DDR2: variants seen among roughly 807,000 people sequenced by gnomAD.
DDR2 encodes the protein discoidin domain receptor tyrosine kinase 2, also known as discoidin domain-containing receptor 2.
Under a neutral mutation model 94.9 loss-of-function variants are expected in DDR2, and 27 were observed. That is an observed-to-expected ratio of 0.28 (90% CI 0.21 to 0.39). The LOEUF (loss-of-function observed/expected upper bound fraction) is 0.39. Ranked by LOEUF, DDR2 falls within the 10% of genes least tolerant of loss-of-function variation. DDR2 has a pLI of 1.00. For missense variants in DDR2, 783 were observed against 1,076.0 expected (o/e 0.73, Z 3.81); for synonymous variants, 382 against 377.2 (o/e 1.01, Z -0.15).
intron 2 of DDR2, among the ~76,000 whole-genome samples, chr1:162,691,221 T>G (rs7553831): frequency 0.7 from 106,073 of 151,984 alleles, 38,189 homozygotes; most frequent in Middle Eastern, 0.81. Flanking sequence ...TCTCATGAGA[T>G]TCACAGACCT....
intron 2 of DDR2, among the ~76,000 whole-genome samples, chr1:162,682,410 G>A (rs1264936500): frequency 1.3e-5 from 2 of 152,186 alleles, no homozygotes; most frequent in Non-Finnish European, 2.9e-5. Context: ...GTACTGTCAG[G>A]CCAGGGGCCT....
chr1:162,743,819 A>G (rs1662722742), intron 3 of DDR2, among the ~76,000 whole-genome samples: 1 of 152,218 alleles, frequency 6.6e-6, no homozygotes, highest in African/African-American at 2.4e-5. Context: ...GATAATGACC[A>G]CATCCATCAC....
At chr1:162,681,665 T>C (rs1659406526) in intron 2 of DDR2, among the ~76,000 whole-genome samples, 1 of 152,194 alleles carries the variant, frequency 6.6e-6, no homozygotes, top group Non-Finnish European at 1.5e-5. Context: ...TGTTGTCACA[T>C]GGCAGAAGGG....
intron 2 of DDR2, among the ~76,000 whole-genome samples, chr1:162,699,458 A>G (rs1177692297): frequency 6.6e-6 from 1 of 152,188 alleles, no homozygotes; most frequent in Non-Finnish European, 1.5e-5. Context: ...TCTGTGAAAA[A>G]TGGACTGTAG....
intron 3 of DDR2, among the ~76,000 whole-genome samples, chr1:162,729,659 T>C (rs970573749): frequency 6.6e-6 from 1 of 151,354 alleles, no homozygotes; most frequent in African/African-American, 2.4e-5. Flanking sequence ...CAACAAATGT[T>C]TGATGAATAA....
intron 2 of DDR2, among the ~76,000 whole-genome samples, chr1:162,689,714 A>G (rs978392040): frequency 2.6e-5 from 4 of 151,892 alleles, no homozygotes; most frequent in African/African-American, 9.7e-5. Context: ...CACAGAAGAC[A>G]GAATGCCAGC....
At chr1:162,693,496 G>C (rs976523687) in intron 2 of DDR2, among the ~76,000 whole-genome samples, 5 of 152,138 alleles carry the variant, frequency 3.3e-5, no homozygotes, top group Non-Finnish European at 5.9e-5. Context: ...AACTATTTTA[G>C]GTACTGAGAG....
chr1:162,689,439 A>G (rs560033616), intron 2 of DDR2, among the ~76,000 whole-genome samples: 3 of 152,286 alleles, frequency 2.0e-5, no homozygotes, highest in South Asian at 2.1e-4. Flanking sequence ...TAAGGTTTCA[A>G]CCTAGGCAGT....
chr1:162,740,503 G>A (rs571584590), intron 3 of DDR2, among the ~76,000 whole-genome samples: 2 of 152,302 alleles, frequency 1.3e-5, no homozygotes, highest in African/African-American at 4.8e-5. Context: ...CCCTGCAAGA[G>A]TCACCTGGTT....
chr1:162,702,814 G>C (rs1660488095), intron 2 of DDR2, among the ~76,000 whole-genome samples: 1 of 152,212 alleles, frequency 6.6e-6, no homozygotes, highest in Non-Finnish European at 1.5e-5. Flanking sequence ...TAGTTCAGCA[G>C]CTGGTCAGAT....
chr1:162,684,372 A>G (rs1432319801), intron 2 of DDR2, among the ~76,000 whole-genome samples: 7 of 152,196 alleles, frequency 4.6e-5, no homozygotes, highest in Non-Finnish European at 4.4e-5. Flanking sequence ...GGTTGATGTG[A>G]ATAACACATC....
Position 162,773,527 on chromosome 1 carries a change from A to T in DDR2, c.1787A>T (p.Asp596Val), listed in dbSNP as rs1317658591. The T allele has an allele frequency of 6.2e-7, 1 of 1,614,102 alleles. No individual in the cohort carries two copies. The highest frequency in any genetic ancestry group is 8.5e-7 in the Non-Finnish European group (1 of 1,179,956). The change falls in exon 14 of 18, where the codon GAT becomes GTT. Residue 596 changes from aspartate to valine, a missense_variant. By Grantham distance (152) the Asp-to-Val change is radical. Around this residue, in one of 2 missense-constraint regions of DDR2, gnomAD observed 264 missense variants for 428.2 expected, o/e 0.62. Transcript: ENST00000367921. ...EKFKDKDFAL[D>V]VSANQPVLVA... ...TTCAAAGACAAAGATTTTGCCCTAG[A>T]TGTCAGTGCCAACCAGCCTGTCCTG...
At chr1:162,642,399 A>G (rs1657182171) in intron 1 of DDR2, among the ~76,000 whole-genome samples, 1 of 150,838 alleles carries the variant, frequency 6.6e-6, no homozygotes, top group Non-Finnish European at 1.5e-5. Context: ...CAGCCTCCCG[A>G]GTAGCTGGGA....
chr1:162,632,685 G>T lies in DDR2; in HGVS notation c.-192+54G>T, dbSNP rs935237712. On this transcript the variant is annotated intron_variant, in intron 1 of 17. Transcript: ENST00000367921. ...TATTTTTTCTTTTTTGAAAATGAAA[G>T]CTCCGCATATACTTCTTTTGGTGTT... 3.9e-5 allele frequency: 6 copies of T among 152,128 alleles called. No individual in the cohort carries two copies. The East Asian group carries it at 1.2e-3, about 29-fold the overall frequency. The allele number at this position is 152,128 out of a possible 1,614,324, so 9.4% of individuals were successfully genotyped here.
At chr1:162,756,750 T>G (rs1663482264) in intron 7 of DDR2, among the ~76,000 whole-genome samples, 1 of 152,192 alleles carries the variant, frequency 6.6e-6, no homozygotes, top group Admixed American at 6.5e-5. Flanking sequence ...ATTCATCCAC[T>G]CTTCTACTCC....
chr1:162,767,100 A>G, intron 10 of DDR2, 129 bp from the exon 11 acceptor site: 3 of 1,360,796 alleles, frequency 2.2e-6, no homozygotes, highest in South Asian at 1.2e-5. Context: ...AAGCAGAAGT[A>G]TTAAGGTGGC....
At chr1:162,671,738 A>G (rs1165218742) in intron 2 of DDR2, among the ~76,000 whole-genome samples, 1 of 152,198 alleles carries the variant, frequency 6.6e-6, no homozygotes, top group African/African-American at 2.4e-5. Flanking sequence ...GAAAGCCCTC[A>G]GTATCTCAAA....
Position 162,740,940 on chromosome 1 carries a change from A to C in DDR2, c.83-12155A>C, listed in dbSNP as rs560991322. 8.5e-5 allele frequency among the ~76,000 whole-genome samples: 13 copies of C among 152,154 alleles called. No individual in the cohort carries two copies. In the East Asian group the frequency reaches 1.9e-3, roughly 23 times the overall value. Reference sequence around the variant, plus strand: ...CTCTGTGGCAGCCTGGAATCTTGGGACACACGGCTTGCACCAGGCCACTCT... The same window carrying C: ...CTCTGTGGCAGCCTGGAATCTTGGGCCACACGGCTTGCACCAGGCCACTCT... On this transcript the variant is annotated intron_variant, in intron 3 of 17. Transcript: ENST00000367921.
intron 2 of DDR2, among the ~76,000 whole-genome samples, chr1:162,658,986 G>A (rs891090600): frequency 4.6e-5 from 7 of 152,124 alleles, no homozygotes; most frequent in African/African-American, 1.2e-4. Context: ...GAACTGGGGA[G>A]GAGGGGAGCG....
Sources: allele counts gnomAD v4.1 joint callset (sites outside exome capture counted in the v4.1 genomes callset), GRCh38; gene constraint gnomAD v4.1.1; regional missense constraint gnomAD v4.1.1; transcripts MANE v1.5; gene names NCBI Gene and HGNC (gene_info 2026-07-23, HGNC 2026-07-21).